The following CTNNA2 variants were observed in gnomAD, a reference collection of about 807,000 sequenced individuals.
The protein encoded by CTNNA2 is catenin alpha-2.
Under a neutral mutation model 101.0 loss-of-function variants are expected in CTNNA2, and 42 were observed. That is an observed-to-expected ratio of 0.42 (90% CI 0.32 to 0.54). CTNNA2 has a LOEUF of 0.54. CTNNA2 is among the 20% of genes least tolerant of loss of function. The pLI is 0.14. For synonymous variants in CTNNA2, 450 were observed against 456.4 expected (o/e 0.99, Z 0.18); for missense variants, 871 against 1,223.1 (o/e 0.71, Z 4.29).
At chr2:80,138,342 G>A (rs1043098451) in intron 7 of CTNNA2, among the ~76,000 whole-genome samples, 43 of 152,258 alleles carry the variant, frequency 2.8e-4, no homozygotes, top group African/African-American at 1.0e-3. Context: ...GGGGATAAAT[G>A]TTGATCTTAG....
chr2:80,422,614 A>G (rs1042325890), intron 9 of CTNNA2, among the ~76,000 whole-genome samples: 1 of 152,142 alleles, frequency 6.6e-6, no homozygotes, highest in East Asian at 1.9e-4. Context: ...AGCTAGTTCT[A>G]GTACCCATTT....
In CTNNA2 at chr2:79,988,489, T is replaced by C. The variant is rs1204785093; in HGVS notation, c.1056+78692T>C. Among the ~76,000 whole-genome samples the C allele has an allele frequency of 1.0e-4, 15 of 146,654 alleles. No individual in the cohort carries two copies. In the East Asian group the frequency reaches 2.9e-3, roughly 28 times the overall value. ...GTATGTGTGTGTGTGTGTGTGTGTG[T>C]GTGTGTGTGTGTATTAGCTTCTATG... is the stretch of plus-strand genomic sequence containing the variant. On this transcript the variant is annotated intron_variant, in intron 7 of 18. Transcript: ENST00000402739.
At chr2:79,223,441 A>G (rs942724587) in intron 2 of CTNNA2, among the ~76,000 whole-genome samples, 13 of 152,168 alleles carry the variant, frequency 8.5e-5, no homozygotes, top group African/African-American at 2.2e-4. Flanking sequence ...CTTAGGGTAC[A>G]TTGTGAACTC....
intron 9 of CTNNA2, among the ~76,000 whole-genome samples, chr2:80,527,933 A>C (rs1242251067): frequency 6.6e-6 from 1 of 152,316 alleles, no homozygotes; most frequent in East Asian, 1.9e-4. Context: ...AGAATTTATG[A>C]GTGTGGGTCC....
chr2:79,773,691 G>C (rs893008665), intron 3 of CTNNA2, among the ~76,000 whole-genome samples: 1 of 152,082 alleles, frequency 6.6e-6, no homozygotes, highest in Non-Finnish European at 1.5e-5. Context: ...ATCTTATGGA[G>C]AATGGGGGTC....
chr2:80,116,024 G>A lies in CTNNA2; in HGVS notation c.1056+206227G>A, dbSNP rs115740080. Among the ~76,000 whole-genome samples the A allele has an allele frequency of 2.4e-3, 365 of 151,512 alleles. 4 individuals are homozygous for A. Among genetic ancestry groups the A allele is most frequent in the Middle Eastern group, 0.017 (5 of 292 alleles). On this transcript the variant is annotated intron_variant, in intron 7 of 18. Coordinates refer to ENST00000402739, the MANE Select transcript of CTNNA2 (RefSeq NM_001282597.3). The stretch of plus-strand genomic sequence containing the variant: ...ATATATTAGACAAATTGTAAAGAAT[G>A]TCTTATGGTATAGAATCAAGTTTAA...
chr2:80,269,192 C>T (rs1308542018), intron 7 of CTNNA2, among the ~76,000 whole-genome samples: 3 of 152,166 alleles, frequency 2.0e-5, no homozygotes, highest in Admixed American at 6.5e-5. Context: ...CCCATAATCC[C>T]CACGTGTGGT....
chr2:79,390,614 C>T (rs149490628), intron 4 of CTNNA2, among the ~76,000 whole-genome samples: 41 of 152,220 alleles, frequency 2.7e-4, no homozygotes, highest in Non-Finnish European at 5.1e-4. Context: ...TGTTCAGTGG[C>T]GTCAGAGTAA....
At chr2:80,048,445 A>G (rs976688638) in intron 7 of CTNNA2, among the ~76,000 whole-genome samples, 6 of 151,798 alleles carry the variant, frequency 4.0e-5, no homozygotes, top group Non-Finnish European at 7.3e-5. Context: ...TGAAGACACA[A>G]GAGAAACGTG....
chr2:79,804,539 A>G (rs1006829732), intron 3 of CTNNA2, among the ~76,000 whole-genome samples: 4 of 152,170 alleles, frequency 2.6e-5, no homozygotes, highest in African/African-American at 7.2e-5. Flanking sequence ...AATTGAAGCA[A>G]ATTTTGAGGT....
intron 7 of CTNNA2, among the ~76,000 whole-genome samples, chr2:80,287,518 G>A (rs529413814): frequency 3.3e-5 from 5 of 152,122 alleles, no homozygotes; most frequent in African/African-American, 4.8e-5. Flanking sequence ...TAATGATGAC[G>A]AGGATGACAC....
chr2:79,891,520 T>C (rs1017240184), intron 6 of CTNNA2, among the ~76,000 whole-genome samples: 2 of 152,162 alleles, frequency 1.3e-5, no homozygotes, highest in African/African-American at 4.8e-5. Context: ...TTGAAGAAGA[T>C]GACATTTGTA....
intron 7 of CTNNA2, among the ~76,000 whole-genome samples, chr2:80,211,713 T>G (rs979856499): frequency 3.9e-4 from 60 of 152,308 alleles, no homozygotes; most frequent in Non-Finnish European, 5.9e-5. Context: ...CTTTTTTGGT[T>G]CCATATGAAC....
chr2:79,234,668 G>A (rs1448975420), intron 2 of CTNNA2, among the ~76,000 whole-genome samples: 1 of 152,160 alleles, frequency 6.6e-6, no homozygotes, highest in East Asian at 1.9e-4. Flanking sequence ...GAATGCCCAT[G>A]AGTTGTAGAT....
At chr2:79,573,601 T>A (rs1287767915) in intron 1 of CTNNA2, among the ~76,000 whole-genome samples, 1 of 152,360 alleles carries the variant, frequency 6.6e-6, no homozygotes, top group African/African-American at 2.4e-5. Flanking sequence ...TCCAATAAAT[T>A]AAACATAGAA....
At chr2:80,561,478 G>T (rs992611487) in intron 12 of CTNNA2, among the ~76,000 whole-genome samples, 1 of 152,136 alleles carries the variant, frequency 6.6e-6, no homozygotes, top group African/African-American at 2.4e-5. Context: ...GAAAACAAAC[G>T]TTACTTTGCA....
At chr2:79,839,541 G>C (rs1357731079) in intron 3 of CTNNA2, among the ~76,000 whole-genome samples, 1 of 151,860 alleles carries the variant, frequency 6.6e-6, no homozygotes, top group Non-Finnish European at 1.5e-5. Context: ...TTGCAATTCT[G>C]ATTAGACTTA....
At chr2:80,124,749 C>T (rs140819412) in intron 7 of CTNNA2, among the ~76,000 whole-genome samples, 554 of 152,186 alleles carry the variant, frequency 3.6e-3, no homozygotes, top group African/African-American at 7.9e-3. Context: ...AGGGGTTGAG[C>T]GAGGTTACCC....
At chr2:80,064,765 A>G (rs1697856981) in intron 7 of CTNNA2, among the ~76,000 whole-genome samples, 1 of 152,178 alleles carries the variant, frequency 6.6e-6, no homozygotes, top group South Asian at 2.1e-4. Context: ...CTCTGTTTGT[A>G]TTATGTTTTC....
Sources: gnomAD v4.1 joint callset for allele counts (sites outside exome capture counted in the v4.1 genomes callset) on GRCh38, gnomAD v4.1.1 for gene constraint, MANE v1.5 for transcripts, NCBI Gene and HGNC (gene_info 2026-07-23, HGNC 2026-07-21) for gene names.